TPD52: variants seen among roughly 807,000 people sequenced by gnomAD.
TPD52 encodes the protein prostate and colon associated protein.
In TPD52, 17 loss-of-function variants were observed where a neutral mutation model predicts 31.3. The ratio of observed to expected loss-of-function variants is 0.54; its 90% CI spans 0.37 to 0.82. The LOEUF is 0.82. TPD52 is among the 40% of genes least tolerant of loss of function. The pLI, the probability that TPD52 is intolerant of heterozygous loss-of-function variation, is 0.00. For synonymous variants in TPD52, 83 were observed against 89.6 expected (o/e 0.93, Z 0.42); for missense variants, 212 against 240.1 (o/e 0.88, Z 0.77).
intron 1 of TPD52, among the ~76,000 whole-genome samples, chr8:80,106,842 A>G (rs1452170909): frequency 6.9e-6 from 1 of 145,516 alleles, no homozygotes; most frequent in African/African-American, 2.5e-5. Flanking sequence ...AAAACCCCAA[A>G]AAAACATAAA....
intron 2 of TPD52, among the ~76,000 whole-genome samples, chr8:80,057,867 A>G (rs1812077706): frequency 6.6e-6 from 1 of 152,196 alleles, no homozygotes; most frequent in Non-Finnish European, 1.5e-5. Context: ...AGAAAATGAA[A>G]AGGAAAATCC....
In TPD52 at chr8:80,042,914, A is replaced by C. The variant is rs1810520596; in HGVS notation, c.456-246T>G. The C allele has an allele frequency of 3.6e-5, 13 of 365,008 alleles. No individual in the cohort carries two copies. In the South Asian group the frequency reaches 7.2e-4, roughly 20 times the overall value. 22.6% of individuals were successfully genotyped at this position (365,008 alleles called of 1,614,324 possible). On this transcript the variant is annotated intron_variant, in intron 6 of 7. Transcript: ENST00000518937. ...GGCCAGTCTCAGACATAAGTAATAT[A>C]GATATGGTCAAGTACGTGTGTAAGG...
In TPD52 at chr8:80,099,507, AT is replaced by A. The variant is rs1282683165; in HGVS notation, c.20-34915del. Among the ~76,000 whole-genome samples the A allele has an allele frequency of 1.9e-4, 27 of 144,084 alleles. 1 individual carries two copies. In the East Asian group the frequency reaches 4.4e-3, roughly 24 times the overall value. 94.5% of individuals were successfully genotyped at this position (144,084 alleles called of 152,430 possible). The stretch of plus-strand genomic sequence containing the variant: ...TCACAAAACTGGATGGTGGTCTAAC[AT>A]CTTTTTTTTTTTTTTTTTTTGAGAT... On this transcript the variant is annotated intron_variant, in intron 1 of 7. Transcript: ENST00000518937.
At chr8:80,091,677 C>T (rs1472193304) in intron 1 of TPD52, among the ~76,000 whole-genome samples, 1 of 151,328 alleles carries the variant, frequency 6.6e-6, no homozygotes, top group Non-Finnish European at 1.5e-5. Flanking sequence ...GGTCACTCCA[C>T]ATACTGATGG....
rs149568237 is a variant in TPD52 at position 80,083,475 on chromosome 8, T to C, written c.20-18882A>G. Among the ~76,000 whole-genome samples the C allele has an allele frequency of 6.1e-4, 93 of 152,102 alleles. 4 individuals carry two copies. The East Asian group carries it at 0.018, about 29-fold the overall frequency. ...CATGGGGGCGGTTCCCCCATGCTCT[T>C]CTCCTGATAGTGAATGAGATAGTTC... On this transcript the variant is annotated intron_variant, in intron 1 of 7. Coordinates refer to ENST00000518937, the MANE Select transcript of TPD52 (RefSeq NM_001025253.3).
chr8:80,099,654 G>A (rs764278092), intron 1 of TPD52, among the ~76,000 whole-genome samples: 3 of 152,050 alleles, frequency 2.0e-5, no homozygotes, highest in Non-Finnish European at 4.4e-5. Context: ...GGGACTACAG[G>A]AGCGTGACAC....
rs190565358 is a variant in TPD52, at chr8:80,159,902, T to C, written c.19+11523A>G. 5.3e-4 allele frequency among the ~76,000 whole-genome samples: 81 copies of C among 152,254 alleles called. 1 individual carries two copies. In the South Asian group the frequency reaches 5.6e-3, roughly 11 times the overall value. ...CTAGCCCTATAAACTGATTAGAAAA[T>C]GTAGTTTAGGCCAGGCAGTGGCTCA... On this transcript the variant is annotated intron_variant, in intron 1 of 7. Transcript: ENST00000518937.
intron 1 of TPD52, among the ~76,000 whole-genome samples, chr8:80,066,251 T>G (rs1411288423): frequency 4.6e-5 from 7 of 152,192 alleles, no homozygotes; most frequent in Non-Finnish European, 7.3e-5. Flanking sequence ...CAAAGGCACT[T>G]GGTACAGGCT....
At chr8:80,112,922 C>A (rs1807601557) in intron 1 of TPD52, among the ~76,000 whole-genome samples, 1 of 152,078 alleles carries the variant, frequency 6.6e-6, no homozygotes. Context: ...GGGATGGGAA[C>A]CAAGTCTAAA....
intron 1 of TPD52, among the ~76,000 whole-genome samples, chr8:80,090,787 T>C (rs527945262): frequency 6.6e-6 from 1 of 152,288 alleles, no homozygotes; most frequent in South Asian, 2.1e-4. Flanking sequence ...TGCAAATTAT[T>C]TGGAACTAAA....
intron 1 of TPD52, among the ~76,000 whole-genome samples, chr8:80,066,630 C>T (rs778489694): frequency 1.1e-4 from 16 of 152,134 alleles, no homozygotes; most frequent in Non-Finnish European, 2.1e-4. Flanking sequence ...AAGTGTGACC[C>T]CTGAGGTTGG....
intron 1 of TPD52, among the ~76,000 whole-genome samples, chr8:80,154,374 T>A (rs954419063): frequency 1.3e-5 from 2 of 152,150 alleles, no homozygotes; most frequent in Admixed American, 6.5e-5. Context: ...CCCTCCCTGG[T>A]GGCCAATGTG....
intron 1 of TPD52, 147 bp downstream of exon 1, chr8:80,171,278 T>G (rs1300567655): frequency 2.9e-6 from 3 of 1,036,432 alleles, no homozygotes; most frequent in Non-Finnish European, 4.4e-6. Context: ...CAGATCCGGA[T>G]CCGGGAGATG....
intron 1 of TPD52, among the ~76,000 whole-genome samples, chr8:80,139,643 T>C (rs12156127): frequency 0.52 from 75,882 of 147,262 alleles, 19,691 homozygotes; most frequent in East Asian, 0.78. Context: ...GGGGTGGGGG[T>C]GAGGGCGGGG....
chr8:80,038,726 T>A (rs1810098474), intron 7 of TPD52, among the ~76,000 whole-genome samples: 1 of 152,152 alleles, frequency 6.6e-6, no homozygotes, highest in Admixed American at 6.5e-5. Flanking sequence ...ACCTACAGAC[T>A]CAACATTACC....
intron 1 of TPD52, among the ~76,000 whole-genome samples, chr8:80,078,370 T>C (rs1051664757): frequency 3.9e-5 from 6 of 152,260 alleles, no homozygotes; most frequent in East Asian, 1.9e-4. Flanking sequence ...AGAAAATACA[T>C]AGTGGCCAAA....
chr8:80,121,933 T>C (rs1408779554), intron 1 of TPD52, among the ~76,000 whole-genome samples: 2 of 145,968 alleles, frequency 1.4e-5, no homozygotes, highest in African/African-American at 5.3e-5. Context: ...ATTATAATTA[T>C]GTAATTAATA....
chr8:80,150,548 A>G (rs911388824), intron 1 of TPD52, among the ~76,000 whole-genome samples: 1 of 152,228 alleles, frequency 6.6e-6, no homozygotes, highest in African/African-American at 2.4e-5. Context: ...AGCAGCTGGG[A>G]GGGAAGCTGT....
chr8:80,159,003 A>C (rs546355820), intron 1 of TPD52: 2 of 151,812 alleles, frequency 1.3e-5, no homozygotes, highest in Non-Finnish European at 2.9e-5. Flanking sequence ...AACCGCATCG[A>C]AAATGTGTTT....
Sources: allele counts gnomAD v4.1 joint callset (sites outside exome capture counted in the v4.1 genomes callset), GRCh38; gene constraint gnomAD v4.1.1; transcripts MANE v1.5; gene names NCBI Gene and HGNC (gene_info 2026-07-23, HGNC 2026-07-21).